The following DCC variants were observed in gnomAD, a reference collection of about 807,000 sequenced individuals.
DCC encodes netrin receptor DCC.
In DCC, 58 loss-of-function variants were observed where a neutral mutation model predicts 172.5. The ratio of observed to expected loss-of-function variants is 0.34; its 90% CI spans 0.27 to 0.42. The LOEUF (loss-of-function observed/expected upper bound fraction) is 0.42, where lower values mean the gene tolerates loss of function less well. Ranked by LOEUF, DCC falls within the 10% of genes least tolerant of loss-of-function variation. The probability of loss-of-function intolerance (pLI) is 1.00; values close to 1 mark genes in which losing one functional copy is unlikely to be tolerated. For missense variants in DCC, 1,740 were observed against 1,791.0 expected (o/e 0.97, Z 0.51); for synonymous variants, 709 against 644.5 (o/e 1.10, Z -1.52).
intron 7 of DCC, among the ~76,000 whole-genome samples, chr18:53,099,943 C>CTTTCTTTCTTTTTTTTT (rs2043143038): frequency 1.1e-5 from 1 of 92,758 alleles, no homozygotes; most frequent in African/African-American, 5.0e-5. Context: ...TTCTTTCTTT[C>CTTTCTTTCTTTTTTTTT]TTTTTTTTTT....
chr18:52,469,028 T>G (rs1023150110), intron 1 of DCC, among the ~76,000 whole-genome samples: 1 of 109,788 alleles, frequency 9.1e-6, no homozygotes, highest in Non-Finnish European at 1.8e-5. Context: ...GAAAACAATT[T>G]TGATTTATTT....
intron 17 of DCC, among the ~76,000 whole-genome samples, chr18:53,395,305 G>T (rs1375203858): frequency 6.6e-6 from 1 of 152,140 alleles, no homozygotes; most frequent in South Asian, 2.1e-4. Flanking sequence ...AGTAATTCAT[G>T]GTATTTATAG....
chr18:52,537,547 G>A (rs368004172), intron 1 of DCC, among the ~76,000 whole-genome samples: 4 of 152,024 alleles, frequency 2.6e-5, no homozygotes, highest in Non-Finnish European at 5.9e-5. Context: ...TAACTTGGAG[G>A]CTTAAAATTA....
intron 20 of DCC, among the ~76,000 whole-genome samples, chr18:53,411,529 C>T (rs892034137): frequency 7.9e-5 from 12 of 152,068 alleles, no homozygotes; most frequent in African/African-American, 2.4e-4. Context: ...TAGAAACACA[C>T]GTATGATTGG....
At chr18:53,395,005 G>A (rs1228790468) in intron 17 of DCC, among the ~76,000 whole-genome samples, 3 of 151,274 alleles carry the variant, frequency 2.0e-5, no homozygotes, top group Admixed American at 6.6e-5. Flanking sequence ...TTAGCTGGGC[G>A]TGGTGGGGGG....
chr18:53,029,691 G>T (rs11875796), intron 5 of DCC, among the ~76,000 whole-genome samples: 41,130 of 151,860 alleles, frequency 0.27, 5,946 homozygotes, highest in East Asian at 0.47. Flanking sequence ...GATTTTGATT[G>T]AAGTAACCAC....
intron 7 of DCC, among the ~76,000 whole-genome samples, chr18:53,104,254 CA>C (rs2144228117): frequency 6.6e-6 from 1 of 152,100 alleles, no homozygotes; most frequent in Admixed American, 6.6e-5. Flanking sequence ...TCTGCGTCCC[CA>C]CCCAAATCTT....
chr18:53,257,470 C>T (rs2056535089), intron 12 of DCC, among the ~76,000 whole-genome samples: 1 of 152,148 alleles, frequency 6.6e-6, no homozygotes, highest in African/African-American at 2.4e-5. Context: ...TTGAGATAAT[C>T]ATATGGTTTT....
intron 2 of DCC, among the ~76,000 whole-genome samples, chr18:52,815,164 A>T (rs1356069264): frequency 1.3e-5 from 2 of 152,140 alleles, no homozygotes; most frequent in Non-Finnish European, 2.9e-5. Context: ...ATTTTGGTGA[A>T]ATATGGACTG....
chr18:52,357,732 C>T (rs1984431143), intron 1 of DCC, among the ~76,000 whole-genome samples: 1 of 151,894 alleles, frequency 6.6e-6, no homozygotes. Context: ...GTCAGGAGAT[C>T]AAGACCATCC....
intron 15 of DCC, among the ~76,000 whole-genome samples, chr18:53,378,900 C>T (rs1045784361): frequency 1.5e-4 from 23 of 152,112 alleles, no homozygotes; most frequent in Admixed American, 5.2e-4. Context: ...AAAGAAAAAT[C>T]TTTATCAGGA....
intron 15 of DCC, among the ~76,000 whole-genome samples, chr18:53,350,314 C>T (rs981134817): frequency 4.6e-5 from 7 of 152,122 alleles, no homozygotes; most frequent in African/African-American, 7.2e-5. Context: ...GAAAGGAAGA[C>T]TATACAATTA....
At chr18:52,539,794 G>A (rs937680334) in intron 1 of DCC, among the ~76,000 whole-genome samples, 27 of 152,048 alleles carry the variant, frequency 1.8e-4, no homozygotes, top group African/African-American at 6.3e-4. Flanking sequence ...GGATAACTAT[G>A]CAAGATAATA....
At chr18:52,475,916 A>C (rs1288380278) in intron 1 of DCC, among the ~76,000 whole-genome samples, 2 of 152,190 alleles carry the variant, frequency 1.3e-5, no homozygotes, top group Non-Finnish European at 2.9e-5. Context: ...CATCTTCTTC[A>C]CCTTATATGC....
intron 1 of DCC, among the ~76,000 whole-genome samples, chr18:52,565,424 C>T (rs1490459180): frequency 6.6e-6 from 1 of 152,148 alleles, no homozygotes; most frequent in African/African-American, 2.4e-5. Flanking sequence ...ACACTGTCTT[C>T]CACAATGGTT....
chr18:52,746,833 G>A (rs934075932), intron 1 of DCC, among the ~76,000 whole-genome samples: 11 of 151,826 alleles, frequency 7.2e-5, no homozygotes, highest in African/African-American at 2.7e-4. Flanking sequence ...CTCAAGGGTA[G>A]GCCTTCTTTT....
rs574921062 is a variant in DCC, at chr18:52,691,995, T to C, written c.92-60059T>C. On this transcript the variant is annotated intron_variant, in intron 1 of 28. Coordinates refer to ENST00000442544, the MANE Select transcript of DCC (RefSeq NM_005215.4). The stretch of plus-strand genomic sequence containing the variant: ...GTTTTTATTTATTTTTGTTTCCAAA[T>C]GCCAAATCTTTCCTCTATTTCTAAA... 5.3e-5 allele frequency among the ~76,000 whole-genome samples: 8 copies of C among 152,288 alleles called. No individual in the cohort carries two copies. The South Asian group carries it at 1.2e-3, about 24-fold the overall frequency.
chr18:53,210,798 A>G (rs1325260754), intron 11 of DCC, among the ~76,000 whole-genome samples: 1 of 152,028 alleles, frequency 6.6e-6, no homozygotes. Context: ...TCATTACTTT[A>G]TGTTTTTTTT....
At chr18:52,463,688 C>T (rs964085108) in intron 1 of DCC, among the ~76,000 whole-genome samples, 11 of 152,112 alleles carry the variant, frequency 7.2e-5, no homozygotes, top group African/African-American at 2.7e-4. Flanking sequence ...ATTAACTGGA[C>T]TGGCATTTTT....
Sources: gnomAD v4.1 joint callset for allele counts (sites outside exome capture counted in the v4.1 genomes callset) on GRCh38, gnomAD v4.1.1 for gene constraint, MANE v1.5 for transcripts, NCBI Gene and HGNC (gene_info 2026-07-23, HGNC 2026-07-21) for gene names.